Variants in GRHL2 observed in about 807,000 individuals in gnomAD.
GRHL2 encodes grainyhead like transcription factor 2, also known as grainyhead-like protein 2 homolog.
In GRHL2, 21 loss-of-function variants were observed where a neutral mutation model predicts 83.8. The ratio of observed to expected loss-of-function variants is 0.25; its 90% CI spans 0.18 to 0.36. The LOEUF (loss-of-function observed/expected upper bound fraction) is 0.36. Among genes scored for constraint, GRHL2 ranks in the 10% least tolerant of loss-of-function variants. The probability of loss-of-function intolerance (pLI) is 1.00; values close to 1 mark genes in which losing one functional copy is unlikely to be tolerated. For synonymous variants in GRHL2, 280 were observed against 278.9 expected (o/e 1.00, Z -0.04); for missense variants, 623 against 781.8 (o/e 0.80, Z 2.42).
At chr8:101,634,910 C>T (rs1813256547) in intron 11 of GRHL2, among the ~76,000 whole-genome samples, 2 of 152,144 alleles carry the variant, frequency 1.3e-5, no homozygotes, top group Non-Finnish European at 2.9e-5. Context: ...CAGTCTCACT[C>T]GCCTGATACT....
At chr8:101,660,696 G>C (rs191849166) in intron 14 of GRHL2, among the ~76,000 whole-genome samples, 1 of 151,852 alleles carries the variant, frequency 6.6e-6, no homozygotes. Flanking sequence ...TATTATTTAC[G>C]TTTCCTAAAT....
chr8:101,656,581 A>G (rs534473837), intron 14 of GRHL2, among the ~76,000 whole-genome samples: 1 of 152,244 alleles, frequency 6.6e-6, no homozygotes. Context: ...GGCAATACTA[A>G]GCCATCAGGC....
intron 1 of GRHL2, among the ~76,000 whole-genome samples, chr8:101,499,804 G>A (rs546522718): frequency 2.0e-5 from 3 of 152,058 alleles, no homozygotes; most frequent in Admixed American, 1.3e-4. Flanking sequence ...CTGGCCAGGC[G>A]CGGTGGCTCA....
At chr8:101,606,320 G>A (rs1006382038) in intron 8 of GRHL2, among the ~76,000 whole-genome samples, 4 of 152,156 alleles carry the variant, frequency 2.6e-5, no homozygotes, top group African/African-American at 9.7e-5. Context: ...GAAACTGTGG[G>A]AAAATGCAAA....
At chr8:101,532,086 G>T (rs1388607025) in intron 1 of GRHL2, among the ~76,000 whole-genome samples, 2 of 152,138 alleles carry the variant, frequency 1.3e-5, no homozygotes, top group African/African-American at 4.8e-5. Context: ...CTTCTAACAT[G>T]GAAAGTATCT....
the GRHL2 span, among the ~76,000 whole-genome samples, chr8:101,681,180 C>G: frequency 7.2e-6 from 1 of 139,102 alleles, no homozygotes; most frequent in Non-Finnish European, 1.5e-5. Flanking sequence ...AGACCGCTAG[C>G]AAGACTAATA....
Position 101,577,510 on chromosome 8 carries a change from C to A in GRHL2, c.994C>A (p.Leu332Ile), listed in dbSNP as rs1811957442. The A allele has an allele frequency of 6.2e-7, 1 of 1,610,720 alleles. No homozygotes were observed. Among genetic ancestry groups the A allele is most frequent in the African/African-American group, 1.3e-5 (1 of 74,988 alleles). Reference protein sequence around the residue: ...SRQHTAKQRVLDIADYKESFN... With the variant: ...SRQHTAKQRVIDIADYKESFN... ...GCAGCATACGGCGAAGCAGAGGGTC[C>A]TTGACATTGGTAAGTTGACCTTGAC... is the stretch of plus-strand genomic sequence containing the variant. The change falls in exon 7 of 16, where the codon CTT becomes ATT. Residue 332 changes from leucine to isoleucine, a missense_variant. By Grantham distance (5) the Leu-to-Ile change is conservative (BLOSUM62 2). Coordinates refer to ENST00000646743, the MANE Select transcript of GRHL2 (RefSeq NM_024915.4).
chr8:101,605,471 C>G lies in GRHL2; in HGVS notation c.1098+6320C>G, dbSNP rs561023030. ...TCTTTAAGCAATCTATAGGGTACAA[C>G]CTGTTTGTATCCAGAAAGAAAGAAA... is the stretch of plus-strand genomic sequence containing the variant. On this transcript the variant is annotated intron_variant, in intron 8 of 15. Transcript: ENST00000646743. Among the ~76,000 whole-genome samples, 98 of 152,302 alleles carry G rather than the reference C, an allele frequency of 6.4e-4. 1 individual carries two copies. In the South Asian group the frequency reaches 0.017, roughly 27 times the overall value.
chr8:101,676,385 CA>C, the GRHL2 span, among the ~76,000 whole-genome samples: 8 of 150,992 alleles, frequency 5.3e-5, no homozygotes, highest in Non-Finnish European at 8.9e-5. Flanking sequence ...ACAACCCCAT[CA>C]AAAAGTGGGC....
chr8:101,509,844 C>T (rs1339245122), intron 1 of GRHL2, among the ~76,000 whole-genome samples: 1 of 151,978 alleles, frequency 6.6e-6, no homozygotes, highest in East Asian at 1.9e-4. Context: ...ACAAAATGTT[C>T]TTGAAGCTGT....
intron 9 of GRHL2, among the ~76,000 whole-genome samples, chr8:101,626,696 G>C (rs1280297073): frequency 6.6e-6 from 1 of 152,040 alleles, no homozygotes; most frequent in East Asian, 1.9e-4. Flanking sequence ...CATTTAGATG[G>C]AGGGAATTAT....
chr8:101,532,551 A>G (rs1187484900), intron 1 of GRHL2, among the ~76,000 whole-genome samples: 1 of 152,122 alleles, frequency 6.6e-6, no homozygotes, highest in Non-Finnish European at 1.5e-5. Context: ...GGAGTTCAAG[A>G]CTAGCCTGAC....
downstream of GRHL2, chr8:101,669,736 C>A (rs923860367): frequency 6.6e-6 from 1 of 152,130 alleles, no homozygotes; most frequent in Non-Finnish European, 1.5e-5. Context: ...ACAACAGTGT[C>A]TGGTGCTTTC....
At chr8:101,520,299 G>A (rs929581545) in intron 1 of GRHL2, among the ~76,000 whole-genome samples, 2 of 152,158 alleles carry the variant, frequency 1.3e-5, no homozygotes, top group Non-Finnish European at 2.9e-5. Context: ...AATTGAGTGA[G>A]ACATAATACC....
At chr8:101,648,434 C>T (rs900568173) in intron 13 of GRHL2, among the ~76,000 whole-genome samples, 4 of 152,218 alleles carry the variant, frequency 2.6e-5, no homozygotes, top group Admixed American at 6.5e-5. Context: ...AGAACCATGA[C>T]AACTGCTTCC....
At chr8:101,537,380 G>A (rs753083712) in intron 1 of GRHL2, among the ~76,000 whole-genome samples, 27 of 152,164 alleles carry the variant, frequency 1.8e-4, no homozygotes, top group Admixed American at 3.3e-4. Flanking sequence ...AATTAGGAAA[G>A]AATGGTTGGC....
At chr8:101,649,126 C>T (rs555577462) in intron 13 of GRHL2, among the ~76,000 whole-genome samples, 7 of 152,282 alleles carry the variant, frequency 4.6e-5, no homozygotes, top group South Asian at 2.1e-4. Context: ...AAAAGAGATG[C>T]GATGTACCCC....
chr8:101,588,713 A>T (rs1434262883), intron 7 of GRHL2, among the ~76,000 whole-genome samples: 4 of 152,214 alleles, frequency 2.6e-5, no homozygotes, highest in Middle Eastern at 3.2e-3. Context: ...GCCAATTACC[A>T]AAAAGTTATT....
At chr8:101,532,269 A>G (rs140695608) in intron 1 of GRHL2, among the ~76,000 whole-genome samples, 99 of 152,346 alleles carry the variant, frequency 6.5e-4, no homozygotes, top group African/African-American at 2.3e-3. Context: ...GAAAAAGGCC[A>G]ATATTCCAAA....
Sources: allele counts gnomAD v4.1 joint callset (sites outside exome capture counted in the v4.1 genomes callset), GRCh38; gene constraint gnomAD v4.1.1; transcripts MANE v1.5; gene names NCBI Gene and HGNC (gene_info 2026-07-23, HGNC 2026-07-21).